Variants in M1AP observed in about 807,000 individuals in gnomAD.
The protein encoded by M1AP is meiosis 1 arrest protein.
M1AP carries 39 observed loss-of-function variants against 51.2 expected under a neutral mutation model. The ratio of observed to expected loss-of-function variants is 0.76; its 90% CI spans 0.59 to 1.00. The LOEUF (loss-of-function observed/expected upper bound fraction) is 1.00. Among genes scored for constraint, M1AP ranks in the 50% least tolerant of loss-of-function variants. The pLI is 0.00. For missense variants in M1AP, 545 were observed against 641.2 expected (o/e 0.85, Z 1.62); for synonymous variants, 251 against 249.2 (o/e 1.01, Z -0.07).
intron 7 of M1AP, 101 bp from the exon 8 acceptor site, chr2:74,562,524 G>C: frequency 7.5e-7 from 1 of 1,331,084 alleles, no homozygotes; most frequent in Non-Finnish European, 1.0e-6. Flanking sequence ...GGGGTGCTGA[G>C]GAGGGCAGAG....
At chr2:74,644,729 G>C (rs1435735966) in intron 1 of M1AP, among the ~76,000 whole-genome samples, 1 of 152,058 alleles carries the variant, frequency 6.6e-6, no homozygotes, top group Middle Eastern at 3.2e-3. Context: ...TCTGTTGAAA[G>C]TCATCTTGAA....
intron 2 of M1AP, chr2:74,620,770 G>C (rs1425501692): frequency 9.6e-6 from 2 of 208,620 alleles, no homozygotes; most frequent in Non-Finnish European, 2.1e-5. Flanking sequence ...TTTGAGTGAA[G>C]ACGTTCAGCC....
chr2:74,587,237 C>A (rs899639078), intron 4 of M1AP, among the ~76,000 whole-genome samples: 14 of 150,830 alleles, frequency 9.3e-5, no homozygotes, highest in Admixed American at 6.6e-5. Context: ...CTCGCTCTGT[C>A]CCCCAGGCTG....
chr2:74,604,511 G>GCT (rs1444445469), intron 4 of M1AP, among the ~76,000 whole-genome samples: 2 of 152,194 alleles, frequency 1.3e-5, no homozygotes, highest in Non-Finnish European at 2.9e-5. Flanking sequence ...AATAGGGTTT[G>GCT]CTCTCCTATA....
At chr2:74,613,426 T>C (rs2104732165) in intron 3 of M1AP, among the ~76,000 whole-genome samples, 1 of 152,304 alleles carries the variant, frequency 6.6e-6, no homozygotes, top group East Asian at 1.9e-4. Flanking sequence ...GGAAGTATGA[T>C]TAGGTCTCAG....
chr2:74,619,110 A>G, intron 2 of M1AP: 2 of 301,606 alleles, frequency 6.6e-6, no homozygotes, highest in Non-Finnish European at 6.8e-6. Flanking sequence ...ATTATTGAAG[A>G]CTATCAGACG....
Position 74,558,673 on chromosome 2 carries a change from T to C in M1AP, c.*43A>G, listed in dbSNP as rs1677674403. ...GATAGCCATTATGTGAACCTGAGCA[T>C]GGATATGGTTAAGCTGGGCAGCTGG... On this transcript the variant is annotated 3_prime_UTR_variant, in exon 11 of 11. Transcript: ENST00000421985. 1.2e-6 allele frequency: 2 copies of C among 1,604,864 alleles called. No homozygotes were observed. The highest frequency in any genetic ancestry group is 1.7e-6 in the Non-Finnish European group (2 of 1,175,544).
intron 4 of M1AP, among the ~76,000 whole-genome samples, chr2:74,597,772 G>C (rs1306360011): frequency 6.6e-6 from 1 of 152,216 alleles, no homozygotes; most frequent in East Asian, 1.9e-4. Context: ...AGTGAGTGCA[G>C]ACTGCTGTCA....
At chr2:74,589,202 A>G (rs1457910279) in intron 4 of M1AP, among the ~76,000 whole-genome samples, 5 of 152,260 alleles carry the variant, frequency 3.3e-5, no homozygotes, top group Admixed American at 1.3e-4. Context: ...TGTTTCTTAT[A>G]GAGAGATGAG....
intron 4 of M1AP, among the ~76,000 whole-genome samples, chr2:74,598,593 T>A (rs1163436518): frequency 6.6e-6 from 1 of 151,328 alleles, no homozygotes; most frequent in Non-Finnish European, 1.5e-5. Context: ...CACCAAACAT[T>A]CCTTGTAATA....
intron 1 of M1AP, chr2:74,647,417 C>G (rs1055685358): frequency 7.1e-6 from 7 of 985,124 alleles, no homozygotes; most frequent in Non-Finnish European, 7.2e-6. Context: ...CTGGCAGGGC[C>G]CTATTAAAGA....
At chr2:74,588,887 T>C (rs1250599258) in intron 4 of M1AP, among the ~76,000 whole-genome samples, 4 of 152,270 alleles carry the variant, frequency 2.6e-5, no homozygotes, top group Non-Finnish European at 5.9e-5. Flanking sequence ...CAAGCACTTA[T>C]TAGTTTACTG....
chr2:74,599,941 C>T (rs1680582071), intron 4 of M1AP, among the ~76,000 whole-genome samples: 1 of 151,860 alleles, frequency 6.6e-6, no homozygotes, highest in Non-Finnish European at 1.5e-5. Flanking sequence ...GGAGATACTT[C>T]CTCCTCAGCG....
At chr2:74,578,277 C>CT (rs1185846180) in intron 5 of M1AP, among the ~76,000 whole-genome samples, 1 of 152,318 alleles carries the variant, frequency 6.6e-6, no homozygotes, top group African/African-American at 2.4e-5. Context: ...TTTTATTATA[C>CT]TTTAAGTTTT....
chr2:74,609,571 A>G (rs138829815), intron 3 of M1AP, among the ~76,000 whole-genome samples: 110 of 152,314 alleles, frequency 7.2e-4, no homozygotes, highest in African/African-American at 2.5e-3. Context: ...TTGGGTATAT[A>G]CCCAGTAGTG....
chr2:74,607,966 C>T (rs1558677765), intron 3 of M1AP, among the ~76,000 whole-genome samples: 2 of 152,074 alleles, frequency 1.3e-5, no homozygotes, highest in South Asian at 2.1e-4. Context: ...ACAGCAAAAT[C>T]GAAAGGAAGG....
intron 4 of M1AP, among the ~76,000 whole-genome samples, chr2:74,597,653 G>A (rs1680420455): frequency 6.6e-6 from 1 of 152,186 alleles, no homozygotes; most frequent in Non-Finnish European, 1.5e-5. Context: ...CAGATGGTTT[G>A]CGAGCACTTA....
At chr2:74,560,654 G>A (rs1677861045) in intron 8 of M1AP, among the ~76,000 whole-genome samples, 3 of 152,208 alleles carry the variant, frequency 2.0e-5, no homozygotes, top group Admixed American at 2.0e-4. Flanking sequence ...AGGGCAGGGT[G>A]CTCACAGCCT....
At chr2:74,599,311 T>C (rs1024962352) in intron 4 of M1AP, among the ~76,000 whole-genome samples, 3 of 152,164 alleles carry the variant, frequency 2.0e-5, no homozygotes, top group Non-Finnish European at 4.4e-5. Flanking sequence ...CTTTATGTCT[T>C]ATTTAGGAAA....
Sources: gnomAD v4.1 joint callset for allele counts (sites outside exome capture counted in the v4.1 genomes callset) on GRCh38, gnomAD v4.1.1 for gene constraint, MANE v1.5 for transcripts, NCBI Gene and HGNC (gene_info 2026-07-23, HGNC 2026-07-21) for gene names.